DOCK4: variants seen among roughly 807,000 people sequenced by gnomAD.
DOCK4 encodes the protein dedicator of cytokinesis protein 4.
Under a neutral mutation model 268.1 loss-of-function variants are expected in DOCK4, and 97 were observed. The observed-to-expected ratio is 0.36, with a 90% CI of 0.31 to 0.43. The LOEUF (loss-of-function observed/expected upper bound fraction) is 0.43, where lower values mean the gene tolerates loss of function less well. DOCK4 is among the 20% of genes least tolerant of loss of function. DOCK4 has a pLI of 1.00. For missense variants in DOCK4, 2,145 were observed against 2,455.7 expected (o/e 0.87, Z 2.67); for synonymous variants, 954 against 887.2 (o/e 1.08, Z -1.34).
intron 1 of DOCK4, among the ~76,000 whole-genome samples, chr7:112,138,529 GA>G (rs1814579096): frequency 6.6e-6 from 1 of 152,192 alleles, no homozygotes; most frequent in African/African-American, 2.4e-5. Context: ...CACATGTTGA[GA>G]CGAAGTATGA....
At chr7:112,036,346 T>A (rs575431349) in intron 1 of DOCK4, among the ~76,000 whole-genome samples, 8 of 152,084 alleles carry the variant, frequency 5.3e-5, no homozygotes, top group Non-Finnish European at 8.8e-5. Context: ...CATTTAAATA[T>A]AGAACTAAGA....
At position 112,190,752 on chromosome 7, in the gene DOCK4, G is replaced by A. The variant is rs549541457; in HGVS notation, c.37+15350C>T. On this transcript the variant is annotated intron_variant, in intron 1 of 52. Transcript: ENST00000428084. Reference sequence around the variant, plus strand: ...ATTTGCTTTATGAAAAAGGTCACTTGTGGCTTAAGTCCAAAGCATGTACTA... The same window carrying A: ...ATTTGCTTTATGAAAAAGGTCACTTATGGCTTAAGTCCAAAGCATGTACTA... Among the ~76,000 whole-genome samples the A allele has an allele frequency of 6.2e-4, 95 of 152,278 alleles. No homozygotes were observed. The South Asian group carries it at 0.019, about 30-fold the overall frequency.
At chr7:111,840,210 C>T (rs979376940) in intron 25 of DOCK4, among the ~76,000 whole-genome samples, 21 of 152,284 alleles carry the variant, frequency 1.4e-4, no homozygotes, top group African/African-American at 5.1e-4. Flanking sequence ...TATACACATA[C>T]ATTATTTTTT....
At position 111,743,520 on chromosome 7, in the gene DOCK4, T is replaced by C. The variant is rs79642819; in HGVS notation, c.4678-1388A>G. Among the ~76,000 whole-genome samples, 99 of 152,240 alleles carry C rather than the reference T, an allele frequency of 6.5e-4. No individual in the cohort carries two copies. In the East Asian group the frequency reaches 0.014, roughly 22 times the overall value. On this transcript the variant is annotated intron_variant, in intron 44 of 52. Coordinates refer to ENST00000428084, the MANE Select transcript of DOCK4 (RefSeq NM_001363540.2). ...ATAAAGGGAGAGGCTACATCTGTGA[T>C]GAGGACATGGAAGGGATGTAGGAGG...
chr7:112,082,668 A>T (rs1197397306), intron 1 of DOCK4, among the ~76,000 whole-genome samples: 1 of 151,920 alleles, frequency 6.6e-6, no homozygotes, highest in Non-Finnish European at 1.5e-5. Context: ...TAGTCAACTC[A>T]CTCTCTCTCC....
intron 8 of DOCK4, among the ~76,000 whole-genome samples, chr7:111,974,178 G>T (rs887242602): frequency 6.6e-6 from 1 of 152,164 alleles, no homozygotes; most frequent in African/African-American, 2.4e-5. Flanking sequence ...CAGGGACGGT[G>T]AACTGCCCTG....
intron 16 of DOCK4, 59 bp downstream of exon 16, chr7:111,895,553 T>G (rs1280712797): frequency 7.4e-7 from 1 of 1,356,184 alleles, no homozygotes. Context: ...GATAAGATAG[T>G]GAGGTGTTAT....
intron 30 of DOCK4, among the ~76,000 whole-genome samples, chr7:111,798,982 C>G (rs1800086298): frequency 6.6e-6 from 1 of 152,146 alleles, no homozygotes; most frequent in Non-Finnish European, 1.5e-5. Flanking sequence ...CAGGGGACAT[C>G]AGAAAGAAAC....
In DOCK4 at chr7:111,872,286, T is replaced by G. The variant is rs1051475390; in HGVS notation, c.1909A>C (p.Lys637Gln). Residue 637 changes from lysine (K) to glutamine (Q), a missense_variant, in exon 19 of 53, where the codon AAA (lysine) becomes CAA (glutamine). Transcript: ENST00000428084. ...LDENSQKYGS[K>Q]VFDSLVHIIN... is the part of the protein sequence containing the mutation. ...GAACTTACCAAAGAATCAAACACTT[T>G]AGACCCATATTTTTGGGAATTTTCA... 2 of 1,556,800 alleles carry G rather than the reference T, an allele frequency of 1.3e-6. No homozygotes were observed. Among genetic ancestry groups the G allele is most frequent in the Non-Finnish European group, 1.7e-6 (2 of 1,149,642 alleles).
chr7:112,129,879 A>T (rs1813638001), intron 1 of DOCK4, among the ~76,000 whole-genome samples: 1 of 152,030 alleles, frequency 6.6e-6, no homozygotes, highest in Non-Finnish European at 1.5e-5. Context: ...CCAAACTCAA[A>T]ATGCAATCCT....
chr7:112,129,547 G>A, intron 1 of DOCK4, among the ~76,000 whole-genome samples: 1 of 152,034 alleles, frequency 6.6e-6, no homozygotes, highest in East Asian at 1.9e-4. Context: ...AACTGAACAA[G>A]CCATATAGTC....
chr7:111,799,368 A>C (rs779864860), intron 30 of DOCK4, among the ~76,000 whole-genome samples: 1 of 152,200 alleles, frequency 6.6e-6, no homozygotes, highest in Non-Finnish European at 1.5e-5. Flanking sequence ...ACAAAAATTG[A>C]CACAACTAGC....
chr7:111,824,363 T>C (rs902429911), intron 26 of DOCK4, among the ~76,000 whole-genome samples: 1 of 152,194 alleles, frequency 6.6e-6, no homozygotes, highest in African/African-American at 2.4e-5. Flanking sequence ...GAAAGAGTTA[T>C]ACCCCACTTC....
chr7:112,200,703 G>T (rs1420128182), intron 1 of DOCK4, among the ~76,000 whole-genome samples: 2 of 120,348 alleles, frequency 1.7e-5, no homozygotes, highest in East Asian at 5.4e-4. Flanking sequence ...CCTCGTACTA[G>T]CTACCATAAC....
chr7:111,902,679 G>T (rs1180679060), intron 13 of DOCK4, among the ~76,000 whole-genome samples: 4 of 151,614 alleles, frequency 2.6e-5, no homozygotes, highest in Admixed American at 1.3e-4. Context: ...AAGGTAAATG[G>T]TGAGATGGCA....
intron 37 of DOCK4, 109 bp from the exon 38 acceptor site, chr7:111,767,227 C>CTTT (rs372483378): frequency 1.4e-4 from 65 of 465,534 alleles, no homozygotes; most frequent in South Asian, 5.1e-4. Flanking sequence ...ACTCCTTAAT[C>CTTT]TTTTTTTTTT....
Position 111,877,136 on chromosome 7 carries a change from G to C in DOCK4, c.1638C>G (p.Pro546=). 6.3e-7 allele frequency: 1 copy of C among 1,586,432 alleles called. No homozygotes were observed. The highest frequency in any genetic ancestry group is 2.3e-5 in the East Asian group (1 of 43,224). Residue 546 remains proline (P), a synonymous_variant, in exon 17 of 53, where the codon CCC becomes CCG. Coordinates refer to ENST00000428084, the MANE Select transcript of DOCK4 (RefSeq NM_001363540.2). ...LQDTTRYLKL[P]FSKGIFLGNN... The stretch of plus-strand genomic sequence containing the variant: ...TCCCAAGGAAAATGCCCTTGGAAAA[G>C]GGAAGTTTGAGGTAGCGGGTAGTAT...
At chr7:111,729,091 A>G (rs1794881297) in intron 52 of DOCK4, among the ~76,000 whole-genome samples, 3 of 152,182 alleles carry the variant, frequency 2.0e-5, no homozygotes, top group Admixed American at 2.0e-4. Context: ...CCAGTGTCTA[A>G]GCCACCCAGT....
At chr7:112,143,310 A>G (rs934519868) in intron 1 of DOCK4, among the ~76,000 whole-genome samples, 5 of 152,160 alleles carry the variant, frequency 3.3e-5, no homozygotes, top group Admixed American at 1.3e-4. Context: ...GAAATGCCAC[A>G]AAACTGCCAT....
Sources: gnomAD v4.1 joint callset for allele counts (sites outside exome capture counted in the v4.1 genomes callset) on GRCh38, gnomAD v4.1.1 for gene constraint, MANE v1.5 for transcripts, NCBI Gene and HGNC (gene_info 2026-07-23, HGNC 2026-07-21) for gene names.